PTPRD: variants seen among roughly 807,000 people sequenced by gnomAD.
The protein encoded by PTPRD is receptor-type tyrosine-protein phosphatase delta.
In PTPRD, 34 loss-of-function variants were observed where a neutral mutation model predicts 214.5. The observed-to-expected ratio is 0.16, with a 90% CI of 0.12 to 0.21. The LOEUF is 0.21. PTPRD is among the 10% of genes least tolerant of loss of function. The pLI, the probability that PTPRD is intolerant of heterozygous loss-of-function variation, is 1.00. For missense variants in PTPRD, 2,545 were observed against 2,398.7 expected, an observed-to-expected ratio of 1.06 and a Z score of -1.27; for synonymous variants, 1,128 against 845.7, an observed-to-expected ratio of 1.33 and a Z score of -5.79.
intron 10 of PTPRD, among the ~76,000 whole-genome samples, chr9:9,066,993 A>G (rs2099735592): frequency 6.6e-6 from 1 of 152,234 alleles, no homozygotes; most frequent in African/African-American, 2.4e-5. Flanking sequence ...CTGTAATCCC[A>G]GCACTTTGGG....
rs903407877 is a variant in PTPRD, at chr9:8,975,248, A to G, written c.-104+43449T>C. The stretch of plus-strand genomic sequence containing the variant: ...CAATTTTAGTCATTAGGAGATACCA[A>G]AAAGTAAAAATACTGATGATGTTAT... On this transcript the variant is annotated intron_variant, in intron 11 of 45. Transcript: ENST00000381196. Among the ~76,000 whole-genome samples, 3 of 152,106 alleles carry G rather than the reference A, an allele frequency of 2.0e-5. No individual in the cohort carries two copies. In the South Asian group the frequency reaches 6.2e-4, roughly 32 times the overall value.
chr9:8,500,992 C>T lies in PTPRD; in HGVS notation c.1890G>A (p.Trp630Ter). ...SPSSTSILVS[W>*]QPPPVEKQNG... Reference sequence around the variant, plus strand: ...TCTGTTTTTCCACTGGTGGAGGTTGCCAACTTACCAAAATACTAGTGGAAC... The same window carrying T: ...TCTGTTTTTCCACTGGTGGAGGTTGTCAACTTACCAAAATACTAGTGGAAC... The change falls in exon 24 of 46, where the codon TGG becomes TGA. Residue 630 changes from tryptophan to a stop codon, truncating the protein, a stop_gained. Transcript: ENST00000381196. LOFTEE classifies it high-confidence loss of function. 6.2e-7 allele frequency: 1 copy of T among 1,613,970 alleles called. No homozygotes were observed. The highest frequency in any genetic ancestry group is 8.5e-7 in the Non-Finnish European group (1 of 1,179,990).
intron 5 of PTPRD, among the ~76,000 whole-genome samples, chr9:9,881,977 C>T (rs940948202): frequency 6.6e-6 from 1 of 152,044 alleles, no homozygotes; most frequent in Admixed American, 6.6e-5. Flanking sequence ...CATCCAACTT[C>T]CATTGCTTTT....
chr9:10,553,699 A>G (rs1304558944), intron 2 of PTPRD, among the ~76,000 whole-genome samples: 1 of 152,214 alleles, frequency 6.6e-6, no homozygotes, highest in African/African-American at 2.4e-5. Flanking sequence ...AACTGTGAAT[A>G]TATATGTATA....
intron 14 of PTPRD, among the ~76,000 whole-genome samples, chr9:8,630,189 A>C (rs1339441021): frequency 6.6e-6 from 1 of 151,804 alleles, no homozygotes; most frequent in Non-Finnish European, 1.5e-5. Flanking sequence ...CACGTGGACG[A>C]AATGGGAATC....
Position 10,424,400 on chromosome 9 carries a change from C to T in PTPRD, c.-599-83383G>A, listed in dbSNP as rs1194136513. Among the ~76,000 whole-genome samples the T allele has an allele frequency of 2.6e-5, 4 of 151,080 alleles. No homozygotes were observed. In the East Asian group the frequency reaches 7.8e-4, roughly 30 times the overall value. ...GGTAACTGTTCAGAACTATTATTCC[C>T]ATAACAGCAACTTTCCATAAATGAG... On this transcript the variant is annotated intron_variant, in intron 2 of 45. Transcript: ENST00000381196.
At position 8,320,198 on chromosome 9, in the gene PTPRD, TC is replaced by T. The variant is rs1419009756; in HGVS notation, c.5535-233del. Among the ~76,000 whole-genome samples the T allele has an allele frequency of 2.6e-5, 4 of 152,138 alleles. No individual in the cohort carries two copies. The East Asian group carries it at 7.7e-4, about 29-fold the overall frequency. ...GGAGTAAGTCTAATAAAAGGTCTTT[TC>T]AATGGGGATTTATACCATTTTAGAA... On this transcript the variant is annotated intron_variant, in intron 44 of 45. Coordinates refer to ENST00000381196, the MANE Select transcript of PTPRD (RefSeq NM_002839.4).
At chr9:10,185,843 G>A (rs550659467) in intron 3 of PTPRD, among the ~76,000 whole-genome samples, 1 of 151,692 alleles carries the variant, frequency 6.6e-6, no homozygotes, top group African/African-American at 2.4e-5. Context: ...ATAATATGAT[G>A]CAGGAGTAGA....
At chr9:9,713,959 T>G (rs4378017) in intron 7 of PTPRD, among the ~76,000 whole-genome samples, 56,239 of 151,770 alleles carry the variant, frequency 0.37, 10,655 homozygotes, top group Admixed American at 0.48. Flanking sequence ...GTTACCCTCC[T>G]TACTTGTAGA....
chr9:9,052,668 C>A lies in PTPRD; in HGVS notation c.-142-33933G>T, dbSNP rs553985042. ...CCCATTCTGTTACATAGCGTCTCAACAATCAAAGGCAATTGTTGATGTTCC... is the reference window on the plus strand; with the variant it reads ...CCCATTCTGTTACATAGCGTCTCAAAAATCAAAGGCAATTGTTGATGTTCC... On this transcript the variant is annotated intron_variant, in intron 10 of 45. Coordinates refer to ENST00000381196, the MANE Select transcript of PTPRD (RefSeq NM_002839.4). 2.6e-5 allele frequency among the ~76,000 whole-genome samples: 4 copies of A among 152,290 alleles called. No homozygotes were observed. The South Asian group carries it at 6.2e-4, about 24-fold the overall frequency.
chr9:10,315,611 C>G (rs1218046720), intron 3 of PTPRD, among the ~76,000 whole-genome samples: 2 of 152,002 alleles, frequency 1.3e-5, no homozygotes, highest in Admixed American at 6.6e-5. Flanking sequence ...CTCAATTTTA[C>G]TATCATAAAT....
chr9:10,006,962 T>C (rs1468056001), intron 4 of PTPRD, among the ~76,000 whole-genome samples: 1 of 152,024 alleles, frequency 6.6e-6, no homozygotes, highest in Admixed American at 6.6e-5. Flanking sequence ...GCTGGTATTA[T>C]CACTATTGGT....
intron 10 of PTPRD, among the ~76,000 whole-genome samples, chr9:9,094,375 T>G (rs1007949612): frequency 1.3e-5 from 2 of 152,110 alleles, no homozygotes; most frequent in Non-Finnish European, 2.9e-5. Context: ...TGCAGCAGCT[T>G]GGATGGAGCT....
At chr9:10,303,527 A>T (rs1385074941) in intron 3 of PTPRD, among the ~76,000 whole-genome samples, 1 of 152,156 alleles carries the variant, frequency 6.6e-6, no homozygotes, top group African/African-American at 2.4e-5. Context: ...CAGACTAATA[A>T]AGAAGAAAAG....
At chr9:9,782,620 T>C (rs975094113) in intron 5 of PTPRD, among the ~76,000 whole-genome samples, 5 of 152,188 alleles carry the variant, frequency 3.3e-5, no homozygotes, top group African/African-American at 1.2e-4. Flanking sequence ...AACCATGCTG[T>C]TCCTGGGGAA....
intron 5 of PTPRD, among the ~76,000 whole-genome samples, chr9:9,914,444 G>C (rs1326570846): frequency 6.6e-6 from 1 of 152,114 alleles, no homozygotes. Context: ...GCCACGTCAG[G>C]GGCCTAAGAA....
rs1035446294 is a variant in PTPRD, at chr9:10,436,338, G to A, written c.-599-95321C>T. ...ATTAGCATTAGAAATAAAGAGAAAT[G>A]AAAGGATGCTCTATTTGCTTCTCCC... is the stretch of plus-strand genomic sequence containing the variant. On this transcript the variant is annotated intron_variant, in intron 2 of 45. Transcript: ENST00000381196. Among the ~76,000 whole-genome samples the A allele has an allele frequency of 1.0e-3, 159 of 151,726 alleles. 1 individual carries two copies. The highest frequency in any genetic ancestry group is 3.6e-3 in the African/African-American group (148 of 41,478).
At chr9:9,649,285 C>T (rs970630277) in intron 7 of PTPRD, among the ~76,000 whole-genome samples, 2 of 152,106 alleles carry the variant, frequency 1.3e-5, no homozygotes, top group Admixed American at 6.5e-5. Flanking sequence ...CTCTAGAACT[C>T]AACAAAGGCA....
Position 9,912,220 on chromosome 9 carries a change from A to G in PTPRD, c.-368+26287T>C, listed in dbSNP as rs1049542719. 2.0e-5 allele frequency among the ~76,000 whole-genome samples: 3 copies of G among 152,260 alleles called. No individual in the cohort carries two copies. The East Asian group carries it at 5.8e-4, about 29-fold the overall frequency. Reference sequence around the variant, plus strand: ...GTTTAATTTAAAATCAAAATAAAAGATAAAGGAGCAGGTCAGCCCCTCTGG... The same window carrying G: ...GTTTAATTTAAAATCAAAATAAAAGGTAAAGGAGCAGGTCAGCCCCTCTGG... On this transcript the variant is annotated intron_variant, in intron 5 of 45. Transcript: ENST00000381196.
Sources: allele counts gnomAD v4.1 joint callset (sites outside exome capture counted in the v4.1 genomes callset), GRCh38; gene constraint gnomAD v4.1.1; transcripts MANE v1.5; gene names NCBI Gene and HGNC (gene_info 2026-07-23, HGNC 2026-07-21).